The following PLXNB1 variants were observed in gnomAD, a reference collection of about 807,000 sequenced individuals.
PLXNB1 encodes plexin B1, also known as plexin-B1.
PLXNB1 carries 106 observed loss-of-function variants against 209.4 expected under a neutral mutation model. That is an observed-to-expected ratio of 0.51 (90% CI 0.43 to 0.59). The LOEUF (loss-of-function observed/expected upper bound fraction) is 0.59, where lower values mean the gene tolerates loss of function less well. Among genes scored for constraint, PLXNB1 ranks in the 20% least tolerant of loss-of-function variants. The pLI is 0.00. For missense variants in PLXNB1, 2,357 were observed against 2,853.2 expected, an observed-to-expected ratio of 0.83 and a Z score of 3.96; for synonymous variants, 1,167 against 1,183.2, an observed-to-expected ratio of 0.99 and a Z score of 0.28.
At position 48,415,955 on chromosome 3, in the gene PLXNB1, C is replaced by T. The variant is rs2038064910; in HGVS notation, c.3617+76G>A. On this transcript the variant is annotated intron_variant, in intron 18 of 37. Coordinates refer to ENST00000296440, the MANE Select transcript of PLXNB1 (RefSeq NM_001130082.3). This position sits in a 1 kb window ranked among gnomAD's most constrained non-coding sequence, Gnocchi z 5.0. ...GACTGGCCCTCTTCCCCTTTCTGCTCTCCCCAGGATCTCAGACCCCTCCAT... is the reference window on the plus strand; with the variant it reads ...GACTGGCCCTCTTCCCCTTTCTGCTTTCCCCAGGATCTCAGACCCCTCCAT... The T allele has an allele frequency of 6.7e-7, 1 of 1,502,884 alleles. No homozygotes were observed. The highest frequency in any genetic ancestry group is 9.0e-7 in the Non-Finnish European group (1 of 1,110,602). 93.1% of individuals were successfully genotyped at this position (1,502,884 alleles called of 1,614,324 possible).
rs767567154 is a variant in PLXNB1 at position 48,405,843 on chromosome 3, G to A, written c.6229-45C>T. 3.9e-6 allele frequency: 6 copies of A among 1,533,930 alleles called. No individual in the cohort carries two copies. The East Asian group carries it at 6.8e-5, about 17-fold the overall frequency. On this transcript the variant is annotated intron_variant, in intron 36 of 37. Coordinates refer to ENST00000296440, the MANE Select transcript of PLXNB1 (RefSeq NM_001130082.3). This position sits in a 1 kb window ranked among gnomAD's most constrained non-coding sequence, Gnocchi z 5.0. Reference sequence around the variant, plus strand: ...AAAGGTGAGAGAGACGAGGGGTGCAGAGAGCCACAGGAGGCAGCCCAGGAC... The same window carrying A: ...AAAGGTGAGAGAGACGAGGGGTGCAAAGAGCCACAGGAGGCAGCCCAGGAC...
In PLXNB1 at chr3:48,413,245, ACACCCC is replaced by A; in HGVS notation, c.4536-82_4536-77del. Reference sequence around the variant, plus strand: ...CAGGCCTGCCTGACAATCCCCAGGCACACCCCGGCCTCATCCAGCACAGTCCAATGC... The same window carrying A: ...CAGGCCTGCCTGACAATCCCCAGGCAGGCCTCATCCAGCACAGTCCAATGC... On this transcript the variant is annotated intron_variant, in intron 23 of 37. Coordinates refer to ENST00000296440, the MANE Select transcript of PLXNB1 (RefSeq NM_001130082.3). The surrounding 1 kb of genome is among the most constrained non-coding windows in gnomAD (Gnocchi z 5.4). 4 of 1,169,520 alleles carry A rather than the reference ACACCCC, an allele frequency of 3.4e-6. No homozygotes were observed. The highest frequency in any genetic ancestry group is 1.2e-5 in the South Asian group (1 of 81,490). 72.4% of individuals were successfully genotyped at this position (1,169,520 alleles called of 1,614,324 possible).
Position 48,416,576 on chromosome 3 carries a change from C to CA in PLXNB1, c.3375-126dup, listed in dbSNP as rs916848855. 6 of 574,218 alleles carry CA rather than the reference C, an allele frequency of 1.0e-5. No homozygotes were observed. In the African/African-American group the frequency reaches 1.1e-4, roughly 11 times the overall value. 35.6% of individuals were successfully genotyped at this position (574,218 alleles called of 1,614,324 possible). A position where few individuals can be genotyped will look rare whatever the true frequency, so the allele number is the denominator to read the frequency against. On this transcript the variant is annotated intron_variant, in intron 16 of 37. Coordinates refer to ENST00000296440, the MANE Select transcript of PLXNB1 (RefSeq NM_001130082.3). The surrounding 1 kb of genome is among the most constrained non-coding windows in gnomAD (Gnocchi z 4.1). ...CCCTTCCCATGCTCCATAAGATTGA[C>CA]AGAGACCCTCTCTCACTTTGGAGGG...
chr3:48,422,529 A>G lies in PLXNB1; in HGVS notation c.1291-70T>C, dbSNP rs927799827. The G allele has an allele frequency of 1.0e-5, 15 of 1,463,128 alleles. No individual in the cohort carries two copies. In the Admixed American group the frequency reaches 3.0e-4, roughly 29 times the overall value. The allele number at this position is 1,463,128 out of a possible 1,614,324, so 90.6% of individuals were successfully genotyped here. A position where few individuals can be genotyped will look rare whatever the true frequency, so the allele number is the denominator to read the frequency against. The stretch of plus-strand genomic sequence containing the variant: ...GAGGCCCAAAGCCCTCCCCTCCTCC[A>G]CCCAATCGAAGTAATTTACAAATAG... On this transcript the variant is annotated intron_variant, in intron 4 of 37. Coordinates refer to ENST00000296440, the MANE Select transcript of PLXNB1 (RefSeq NM_001130082.3).
At chr3:48,423,316 C>T (rs1340251403) in intron 3 of PLXNB1, among the ~76,000 whole-genome samples, 189 bp downstream of exon 3, 3 of 152,166 alleles carry the variant, frequency 2.0e-5, no homozygotes, top group South Asian at 2.1e-4. Flanking sequence ...TGCTGCCACC[C>T]GCATGCCAGA....
At position 48,415,497 on chromosome 3, in the gene PLXNB1, A is replaced by G; in HGVS notation, c.3794+86T>C. On this transcript the variant is annotated intron_variant, in intron 19 of 37. Coordinates refer to ENST00000296440, the MANE Select transcript of PLXNB1 (RefSeq NM_001130082.3). The surrounding 1 kb of genome is among the most constrained non-coding windows in gnomAD (Gnocchi z 5.0). ...AGCAGCATGGGATTCTCAGTGCCTCAACATAAAGCCCTACAAACCCCCACA... is the reference window on the plus strand; with the variant it reads ...AGCAGCATGGGATTCTCAGTGCCTCGACATAAAGCCCTACAAACCCCCACA... 2.1e-6 allele frequency: 3 copies of G among 1,441,114 alleles called. No homozygotes were observed. Among genetic ancestry groups the G allele is most frequent in the Non-Finnish European group, 2.8e-6 (3 of 1,063,848 alleles). 89.3% of individuals were successfully genotyped at this position (1,441,114 alleles called of 1,614,324 possible).
In PLXNB1 at chr3:48,423,692, C is replaced by T. The variant is rs201285818; in HGVS notation, c.920G>A (p.Arg307Gln). The change falls in exon 3 of 38, where the codon CGG becomes CAG. Residue 307 changes from arginine to glutamine, a missense_variant. By Grantham distance (43) the Arg-to-Gln change is conservative (BLOSUM62 1). Around this residue, in one of 7 missense-constraint regions of PLXNB1, gnomAD observed 404 missense variants for 443.6 expected, o/e 0.91. Transcript: ENST00000296440. ...TGCCCCAGCAGCCGCCGATGGGGGC[C>T]GGCCCACAGTGGGGGGTGCAGCCGA... ...FSSAAPPTVG[R>Q]PPSAAAGASG... 6.2e-6 allele frequency: 10 copies of T among 1,613,796 alleles called. No homozygotes were observed. Among genetic ancestry groups the T allele is most frequent in the East Asian group, 4.5e-5 (2 of 44,882 alleles).
chr3:48,410,364 G>T lies in PLXNB1; in HGVS notation c.5537C>A (p.Thr1846Asn), dbSNP rs1221159254. Residue 1846 changes from threonine (T) to asparagine (N), a missense_variant, in exon 31 of 38, where the codon ACT becomes AAT. Coordinates refer to ENST00000296440, the MANE Select transcript of PLXNB1 (RefSeq NM_001130082.3). This position sits in a 1 kb window ranked among gnomAD's most constrained non-coding sequence, Gnocchi z 6.4. ...LQHYKVPDGA[T>N]VALVPCLTKH... The stretch of plus-strand genomic sequence containing the variant: ...GGTGAGGCAGGGGACGAGGGCCACA[G>T]TTGCTCCATCTGGGACCTGCTGAGC... 6.2e-7 allele frequency: 1 copy of T among 1,613,574 alleles called. No individual in the cohort carries two copies. Among genetic ancestry groups the T allele is most frequent in the Admixed American group, 1.7e-5 (1 of 59,992 alleles).
At chr3:48,430,189 C>G (rs1278011569), upstream of PLXNB1, 1 of 152,456 alleles carries the variant, frequency 6.6e-6, no homozygotes, top group Non-Finnish European at 1.5e-5. Context: ...ACCATGTAAC[C>G]TGACACCAAC....
chr3:48,418,059 C>T lies in PLXNB1; in HGVS notation c.3226G>A (p.Glu1076Lys). 6.2e-7 allele frequency: 1 copy of T among 1,612,554 alleles called. No individual in the cohort carries two copies. Among genetic ancestry groups the T allele is most frequent in the Non-Finnish European group, 8.5e-7 (1 of 1,179,478 alleles). The change falls in exon 16 of 38, where the codon GAG (glutamate) becomes AAG (lysine). Residue 1076 changes from glutamate to lysine, a missense_variant. Glu to Lys is a moderately conservative substitution (Grantham distance 56, BLOSUM62 1). Transcript: ENST00000296440. The surrounding 1 kb of genome is among the most constrained non-coding windows in gnomAD (Gnocchi z 6.6). ...CCGTCTACAGGCCCAGTCAGTGGCTCCACCTGTTCCAGGACAAGGACTGCT... is the reference window on the plus strand; with the variant it reads ...CCGTCTACAGGCCCAGTCAGTGGCTTCACCTGTTCCAGGACAAGGACTGCT... ...QCPAPLIHSV[E>K]PLTGPVDGGT...
Position 48,419,187 on chromosome 3 carries a change from A to T in PLXNB1, c.2832+57T>A. On this transcript the variant is annotated intron_variant, in intron 12 of 37. Transcript: ENST00000296440. The surrounding 1 kb of genome is among the most constrained non-coding windows in gnomAD (Gnocchi z 5.7). Reference sequence around the variant, plus strand: ...TCCTCCTGCTCCCCAGGGCTTGTGCAGAGTTTCTCAACAGCTAAGGAGGCT... The same window carrying T: ...TCCTCCTGCTCCCCAGGGCTTGTGCTGAGTTTCTCAACAGCTAAGGAGGCT... The T allele has an allele frequency of 6.5e-7, 1 of 1,549,386 alleles. No homozygotes were observed. Among genetic ancestry groups the T allele is most frequent in the South Asian group, 1.2e-5 (1 of 81,372 alleles).
chr3:48,415,984 TC>T lies in PLXNB1; in HGVS notation c.3617+46del, dbSNP rs1204211833. On this transcript the variant is annotated intron_variant, in intron 18 of 37. Coordinates refer to ENST00000296440, the MANE Select transcript of PLXNB1 (RefSeq NM_001130082.3). The surrounding 1 kb of genome is among the most constrained non-coding windows in gnomAD (Gnocchi z 5.0). ...CCAGGATCTCAGACCCCTCCATCTT[TC>T]CCCTGGAGCAGATGGATTTTTGCAG... 6.4e-7 allele frequency: 1 copy of T among 1,569,936 alleles called. No homozygotes were observed. Among genetic ancestry groups the T allele is most frequent in the Non-Finnish European group, 8.7e-7 (1 of 1,153,798 alleles).
Position 48,406,966 on chromosome 3 carries a change from C to T in PLXNB1, c.6152+61G>A. On this transcript the variant is annotated intron_variant, in intron 35 of 37. Coordinates refer to ENST00000296440, the MANE Select transcript of PLXNB1 (RefSeq NM_001130082.3). This position sits in a 1 kb window ranked among gnomAD's most constrained non-coding sequence, Gnocchi z 4.4. ...CCACTCCCCTGCTCCCAACCAGAGC[C>T]CACCCCCCAAGCCTCAGCTGCACAC... 6.2e-7 allele frequency: 1 copy of T among 1,608,674 alleles called. No homozygotes were observed. Among genetic ancestry groups the T allele is most frequent in the South Asian group, 1.1e-5 (1 of 90,934 alleles).
chr3:48,418,264 C>CCGGGGGAGG lies in PLXNB1; in HGVS notation c.3148_3149insCCTCCCCCG (p.Arg1050delinsProSerProGly). 1 of 1,613,588 alleles carries CCGGGGGAGG rather than the reference C, an allele frequency of 6.2e-7. No individual in the cohort carries two copies. Among genetic ancestry groups the CCGGGGGAGG allele is most frequent in the Non-Finnish European group, 8.5e-7 (1 of 1,180,024 alleles). ...ACCACAGGCCTCCCGGGTCACACAACGTGGACGCTCCCCCTCACACCACAC... is the reference window on the plus strand; with the variant it reads ...ACCACAGGCCTCCCGGGTCACACAACCGGGGGAGGGTGGACGCTCCCCCTCACACCACAC... On this transcript the variant is annotated protein_altering_variant, in exon 15 of 38. Coordinates refer to ENST00000296440, the MANE Select transcript of PLXNB1 (RefSeq NM_001130082.3). The surrounding 1 kb of genome is among the most constrained non-coding windows in gnomAD (Gnocchi z 6.6).
In PLXNB1 at chr3:48,419,209, G is replaced by A. The variant is rs202074041; in HGVS notation, c.2832+35C>T. ...TGCAGAGTTTCTCAACAGCTAAGGA[G>A]GCTGCAAGGACAGCGGCAGGCAGGA... is the stretch of plus-strand genomic sequence containing the variant. On this transcript the variant is annotated intron_variant, in intron 12 of 37. Coordinates refer to ENST00000296440, the MANE Select transcript of PLXNB1 (RefSeq NM_001130082.3). This position sits in a 1 kb window ranked among gnomAD's most constrained non-coding sequence, Gnocchi z 5.7. 3.9e-6 allele frequency: 6 copies of A among 1,546,658 alleles called. No homozygotes were observed. The highest frequency in any genetic ancestry group is 5.3e-6 in the Non-Finnish European group (6 of 1,142,296).
rs1309211846 is a variant in PLXNB1 at position 48,406,845 on chromosome 3, G to A, written c.6206C>T (p.Ser2069Phe). The change falls in exon 36 of 38, where the codon TCT (serine) becomes TTT (phenylalanine). Residue 2069 changes from serine (S) to phenylalanine (F), a missense_variant. Ser to Phe is a radical substitution (Grantham distance 155). This residue lies in a region of PLXNB1 where 414 missense variants were observed against 520.5 expected (regional missense o/e 0.80). Transcript: ENST00000296440. This position sits in a 1 kb window ranked among gnomAD's most constrained non-coding sequence, Gnocchi z 4.4. ...TVPASDQEMNSVLAELSWNYS... is the reference protein window; with the variant it reads ...TVPASDQEMNFVLAELSWNYS... ...TACCCAGGACAGTTCAGCCAGGACA[G>A]AGTTCATCTCTTGGTCGCTGGCTGG... 1 of 1,612,060 alleles carries A rather than the reference G, an allele frequency of 6.2e-7. No homozygotes were observed. The highest frequency in any genetic ancestry group is 8.5e-7 in the Non-Finnish European group (1 of 1,179,146).
At position 48,418,000 on chromosome 3, in the gene PLXNB1, C is replaced by G. The variant is rs1475938211; in HGVS notation, c.3285G>C (p.Leu1095=). The change falls in exon 16 of 38, where the codon CTG becomes CTC. Residue 1095 remains leucine, a synonymous_variant. Coordinates refer to ENST00000296440, the MANE Select transcript of PLXNB1 (RefSeq NM_001130082.3). The surrounding 1 kb of genome is among the most constrained non-coding windows in gnomAD (Gnocchi z 4.4). The part of the protein sequence containing the change: ...GTRVTIRGSN[L]GQHVQDVLGM... ...CCAGCACATCCTGCACATGCTGGCC[C>G]AGGTTGGAGCCCCTGATGGTGACAC... The G allele has an allele frequency of 3.1e-6, 5 of 1,613,518 alleles. No individual in the cohort carries two copies. Among genetic ancestry groups the G allele is most frequent in the Non-Finnish European group, 4.2e-6 (5 of 1,180,010 alleles).
chr3:48,424,027 T>C lies in PLXNB1; in HGVS notation c.585A>G (p.Gln195=), dbSNP rs1003157687. The C allele has an allele frequency of 1.9e-6, 3 of 1,607,188 alleles. No homozygotes were observed. The highest frequency in any genetic ancestry group is 2.6e-6 in the Non-Finnish European group (3 of 1,176,236). ...CTGTCTCCTCATAGGAGAAGGCAGC[T>C]TGGGGGTCGGGCGGCCACAGGGCCC... The part of the protein sequence containing the change: ...TTRALWPPDP[Q]AAFSYEETAK... The change falls in exon 3 of 38, where the codon CAA becomes CAG. Residue 195 remains glutamine (Q), a synonymous_variant. Transcript: ENST00000296440.
intron 1 of PLXNB1, among the ~76,000 whole-genome samples, chr3:48,425,827 C>CAT: frequency 6.7e-6 from 1 of 149,282 alleles, no homozygotes; most frequent in African/African-American, 2.6e-5. Context: ...CACACACACA[C>CAT]ACACACACAG....
Sources: allele counts gnomAD v4.1 joint callset (sites outside exome capture counted in the v4.1 genomes callset), GRCh38; gene constraint gnomAD v4.1.1; regional missense constraint gnomAD v4.1.1; non-coding constraint Gnocchi (gnomAD v3.1); transcripts MANE v1.5; gene names NCBI Gene and HGNC (gene_info 2026-07-23, HGNC 2026-07-21).